PTPRD: variants seen among roughly 807,000 people sequenced by gnomAD.
PTPRD encodes the protein receptor-type tyrosine-protein phosphatase delta.
A neutral mutation model predicts 214.5 loss-of-function variants in PTPRD; 34 were observed. The ratio of observed to expected loss-of-function variants is 0.16; its 90% CI spans 0.12 to 0.21. The LOEUF is 0.21. Ranked by LOEUF, PTPRD falls within the 10% of genes least tolerant of loss-of-function variation. PTPRD has a pLI of 1.00. For missense variants in PTPRD, 2,545 were observed against 2,398.7 expected (o/e 1.06, Z -1.27); for synonymous variants, 1,128 against 845.7 (o/e 1.33, Z -5.79).
chr9:9,381,714 GT>G (rs34478942), intron 9 of PTPRD, among the ~76,000 whole-genome samples: 9 of 148,780 alleles, frequency 6.0e-5, no homozygotes, highest in South Asian at 4.3e-4. Flanking sequence ...TTTTGTTTTT[GT>G]TTTTTTTTGT....
intron 21 of PTPRD, among the ~76,000 whole-genome samples, chr9:8,512,784 A>G (rs929561443): frequency 2.0e-5 from 3 of 152,044 alleles, no homozygotes; most frequent in African/African-American, 7.2e-5. Context: ...CTTTCTAAAT[A>G]CAGTTCAGAA....
At chr9:8,891,645 T>G (rs532339931) in intron 11 of PTPRD, among the ~76,000 whole-genome samples, 6 of 152,256 alleles carry the variant, frequency 3.9e-5, no homozygotes, top group Admixed American at 2.0e-4. Flanking sequence ...TTCTTCTCCC[T>G]GCAATGGACG....
intron 3 of PTPRD, among the ~76,000 whole-genome samples, chr9:10,175,938 T>C (rs17620334): frequency 0.23 from 35,001 of 151,896 alleles, 4,076 homozygotes; most frequent in Middle Eastern, 0.33. Flanking sequence ...TTTTCCAACA[T>C]CTTTTTGTAC....
intron 8 of PTPRD, among the ~76,000 whole-genome samples, chr9:9,434,654 T>A (rs920780435): frequency 5.3e-5 from 8 of 151,968 alleles, no homozygotes; most frequent in Admixed American, 5.2e-4. Flanking sequence ...TAAAACAGCA[T>A]GGTACTGGCA....
chr9:10,292,313 A>G (rs533587222), intron 3 of PTPRD, among the ~76,000 whole-genome samples: 1 of 152,074 alleles, frequency 6.6e-6, no homozygotes, highest in Non-Finnish European at 1.5e-5. Flanking sequence ...CCCCTTTCTT[A>G]ATGCCACTAT....
chr9:9,847,730 AG>A (rs1478248141), intron 5 of PTPRD, among the ~76,000 whole-genome samples: 2 of 152,026 alleles, frequency 1.3e-5, no homozygotes, highest in Non-Finnish European at 2.9e-5. Flanking sequence ...TAATTATCCC[AG>A]ACTTACCAGA....
intron 9 of PTPRD, among the ~76,000 whole-genome samples, chr9:9,215,196 T>C (rs542833497): frequency 5.3e-5 from 8 of 152,278 alleles, no homozygotes; most frequent in Admixed American, 3.3e-4. Context: ...TGGTGGGAAA[T>C]GTTTAAAGCC....
intron 2 of PTPRD, among the ~76,000 whole-genome samples, chr9:10,382,918 A>G (rs1236762465): frequency 2.7e-5 from 4 of 147,280 alleles, no homozygotes; most frequent in East Asian, 2.1e-4. Context: ...GTGTAGAGTG[A>G]GGAGAGAGAC....
rs10122015 is a variant in PTPRD, at chr9:10,464,752, G to T, written c.-599-123735C>A. 3.1e-3 allele frequency among the ~76,000 whole-genome samples: 466 copies of T among 152,064 alleles called. 4 individuals carry two copies. The highest frequency in any genetic ancestry group is 4.8e-3 in the Non-Finnish European group (329 of 67,996). On this transcript the variant is annotated intron_variant, in intron 2 of 45. Transcript: ENST00000381196. ...AAAACTCATCGTCTCATGTAACCCA[G>T]AGATAAAAGGATATTTCAATGTAAC...
chr9:9,097,166 A>T (rs1475028426), intron 10 of PTPRD, among the ~76,000 whole-genome samples: 2 of 152,156 alleles, frequency 1.3e-5, no homozygotes, highest in Non-Finnish European at 2.9e-5. Context: ...CATAAGAGGC[A>T]TACTCTTCTG....
At chr9:10,529,096 T>C (rs186392383) in intron 2 of PTPRD, among the ~76,000 whole-genome samples, 69 of 152,254 alleles carry the variant, frequency 4.5e-4, no homozygotes, top group African/African-American at 1.6e-3. Context: ...AAGCAAAAAA[T>C]AGATTTGATC....
chr9:8,336,761 AAAC>A (rs1847273634), intron 43 of PTPRD, among the ~76,000 whole-genome samples: 1 of 152,210 alleles, frequency 6.6e-6, no homozygotes, highest in Non-Finnish European at 1.5e-5. Context: ...ATTTACAGGA[AAAC>A]AACAACCTCA....
chr9:8,701,241 G>A (rs1454991655), intron 12 of PTPRD: 3 of 152,182 alleles, frequency 2.0e-5, no homozygotes, highest in African/African-American at 7.2e-5. Flanking sequence ...TTGCTCTGGG[G>A]AGAAACAAAG....
intron 3 of PTPRD, among the ~76,000 whole-genome samples, chr9:10,178,002 T>C (rs1279232920): frequency 1.3e-5 from 2 of 151,950 alleles, no homozygotes; most frequent in Non-Finnish European, 2.9e-5. Flanking sequence ...GAGCACTTTC[T>C]AGTTGTTAAT....
chr9:9,710,869 A>G (rs1202135613), intron 7 of PTPRD, among the ~76,000 whole-genome samples: 2 of 152,180 alleles, frequency 1.3e-5, no homozygotes, highest in African/African-American at 4.8e-5. Context: ...AGAAGAAGAC[A>G]TGATTTCCAG....
intron 5 of PTPRD, among the ~76,000 whole-genome samples, chr9:9,836,947 C>T (rs2056931934): frequency 1.3e-5 from 2 of 152,074 alleles, no homozygotes; most frequent in Middle Eastern, 3.2e-3. Flanking sequence ...ATGTGTGGGG[C>T]ACACCAGTTG....
intron 3 of PTPRD, among the ~76,000 whole-genome samples, chr9:10,147,916 T>C (rs1427103287): frequency 3.3e-5 from 5 of 152,098 alleles, no homozygotes; most frequent in Admixed American, 3.3e-4. Flanking sequence ...AAAGCTATAT[T>C]TGTTTTGCAC....
At chr9:8,608,260 T>A (rs1433651905) in intron 14 of PTPRD, among the ~76,000 whole-genome samples, 2 of 152,150 alleles carry the variant, frequency 1.3e-5, no homozygotes, top group Non-Finnish European at 2.9e-5. Flanking sequence ...ATTTCATGAC[T>A]TGGATGATCC....
intron 5 of PTPRD, among the ~76,000 whole-genome samples, chr9:9,807,126 C>A (rs1283770112): frequency 1.3e-5 from 2 of 152,054 alleles, no homozygotes; most frequent in East Asian, 1.9e-4. Context: ...CTTTCACTCC[C>A]GCTGCAAAAC....
Sources: gnomAD v4.1 joint callset for allele counts (sites outside exome capture counted in the v4.1 genomes callset) on GRCh38, gnomAD v4.1.1 for gene constraint, MANE v1.5 for transcripts, NCBI Gene and HGNC (gene_info 2026-07-23, HGNC 2026-07-21) for gene names.